COMMD10: variants seen among roughly 807,000 people sequenced by gnomAD.
COMMD10 encodes COMM domain containing 10, also known as COMM domain-containing protein 10.
A neutral mutation model predicts 28.9 loss-of-function variants in COMMD10; 33 were observed. The observed-to-expected ratio is 1.14, with a 90% CI of 0.87 to 1.53. The LOEUF is 1.53. COMMD10 is among the 40% of genes most tolerant of loss of function. The probability of loss-of-function intolerance (pLI) is 0.00; values close to 1 mark genes in which losing one functional copy is unlikely to be tolerated. For synonymous variants in COMMD10, 110 were observed against 81.7 expected (o/e 1.35, Z -1.87); for missense variants, 310 against 233.4 (o/e 1.33, Z -2.14).
chr5:116,267,618 C>T (rs1198269556), intron 5 of COMMD10, among the ~76,000 whole-genome samples: 1 of 151,692 alleles, frequency 6.6e-6, no homozygotes, highest in Non-Finnish European at 1.5e-5. Context: ...CATATGGAAC[C>T]AAAAAAGAGC....
At chr5:116,292,091 C>T (rs983160558) in intron 6 of COMMD10, among the ~76,000 whole-genome samples, 1 of 151,590 alleles carries the variant, frequency 6.6e-6, no homozygotes, top group Non-Finnish European at 1.5e-5. Flanking sequence ...CTGTTCAGCC[C>T]ACCACCACTG....
rs1322554321 is a variant in COMMD10 at position 116,221,677 on chromosome 5, G to T, written c.511-69840G>T. 2.6e-5 allele frequency among the ~76,000 whole-genome samples: 4 copies of T among 152,230 alleles called. No homozygotes were observed. In the East Asian group the frequency reaches 7.7e-4, roughly 29 times the overall value. On this transcript the variant is annotated intron_variant, in intron 5 of 6. Transcript: ENST00000274458. ...AGATACCTGCATCTCCTCACTGTGG[G>T]CTATGCACAGATGAAATGTAGCATT...
chr5:116,240,086 T>C (rs1470162282), intron 5 of COMMD10, among the ~76,000 whole-genome samples: 2 of 152,044 alleles, frequency 1.3e-5, no homozygotes, highest in African/African-American at 2.4e-5. Flanking sequence ...AGGCAGAAAA[T>C]AGTAGATCAC....
intron 5 of COMMD10, among the ~76,000 whole-genome samples, chr5:116,200,229 A>AT (rs1230271664): frequency 1.3e-5 from 2 of 151,912 alleles, no homozygotes; most frequent in South Asian, 2.1e-4. Flanking sequence ...TACTATATAT[A>AT]CTTTTTTGTA....
At chr5:116,289,242 A>G (rs1357309625) in intron 5 of COMMD10, among the ~76,000 whole-genome samples, 1 of 151,748 alleles carries the variant, frequency 6.6e-6, no homozygotes, top group Non-Finnish European at 1.5e-5. Context: ...CAGGTAGCTG[A>G]TAGACCTTTG....
chr5:116,152,387 C>G (rs929926006), intron 5 of COMMD10, among the ~76,000 whole-genome samples: 1 of 152,022 alleles, frequency 6.6e-6, no homozygotes, highest in East Asian at 1.9e-4. Flanking sequence ...AGAGTATGAG[C>G]TGTGAAAGAA....
At chr5:116,207,223 A>C (rs975362548) in intron 5 of COMMD10, among the ~76,000 whole-genome samples, 3 of 152,214 alleles carry the variant, frequency 2.0e-5, no homozygotes, top group Non-Finnish European at 4.4e-5. Flanking sequence ...GCATATAGGC[A>C]TTTAATTTTT....
intron 4 of COMMD10, among the ~76,000 whole-genome samples, chr5:116,106,545 T>G (rs1750845063): frequency 6.6e-6 from 1 of 152,108 alleles, no homozygotes; most frequent in Non-Finnish European, 1.5e-5. Flanking sequence ...TCCTTGTTGA[T>G]TTTCTGTCTT....
At chr5:116,227,029 A>T (rs1749409903) in intron 5 of COMMD10, among the ~76,000 whole-genome samples, 1 of 152,030 alleles carries the variant, frequency 6.6e-6, no homozygotes, top group South Asian at 2.1e-4. Context: ...TATACTGTTT[A>T]TCTGATTCAC....
chr5:116,134,659 C>T (rs1385690206), intron 5 of COMMD10, among the ~76,000 whole-genome samples: 3 of 152,156 alleles, frequency 2.0e-5, no homozygotes, highest in Non-Finnish European at 4.4e-5. Flanking sequence ...GTCTTGCTGT[C>T]GCCCAGGTTG....
intron 4 of COMMD10, among the ~76,000 whole-genome samples, chr5:116,123,108 G>A (rs985580510): frequency 2.6e-5 from 4 of 151,318 alleles, no homozygotes; most frequent in Non-Finnish European, 5.9e-5. Flanking sequence ...GATATTGGCT[G>A]TGGGTTTGTC....
chr5:116,126,390 C>T (rs1751639216), intron 4 of COMMD10, among the ~76,000 whole-genome samples: 1 of 148,940 alleles, frequency 6.7e-6, no homozygotes, highest in African/African-American at 2.6e-5. Flanking sequence ...CATCAAACTA[C>T]CAATGACTTT....
intron 4 of COMMD10, among the ~76,000 whole-genome samples, chr5:116,132,798 C>G (rs1751900967): frequency 6.6e-6 from 1 of 152,038 alleles, no homozygotes; most frequent in Non-Finnish European, 1.5e-5. Flanking sequence ...TGTTAAAGAT[C>G]AGTATGTAAA....
intron 5 of COMMD10, among the ~76,000 whole-genome samples, chr5:116,149,162 A>G (rs555721139): frequency 2.1e-5 from 3 of 141,884 alleles, no homozygotes; most frequent in Non-Finnish European, 3.0e-5. Flanking sequence ...AATTTCATCC[A>G]TGTCCCTACA....
chr5:116,268,553 A>G (rs1303793784), intron 5 of COMMD10, among the ~76,000 whole-genome samples: 4 of 151,938 alleles, frequency 2.6e-5, no homozygotes, highest in African/African-American at 4.9e-5. Context: ...CGATTCCTCA[A>G]GGATCTAGAA....
chr5:116,143,452 T>C (rs572615431), intron 5 of COMMD10, among the ~76,000 whole-genome samples: 27 of 151,946 alleles, frequency 1.8e-4, no homozygotes, highest in South Asian at 4.1e-4. Context: ...AATTAAAATA[T>C]TGTTTTACTA....
At chr5:116,239,026 A>T (rs1749748035) in intron 5 of COMMD10, among the ~76,000 whole-genome samples, 2 of 151,786 alleles carry the variant, frequency 1.3e-5, no homozygotes, top group Non-Finnish European at 2.9e-5. Context: ...ATTTTTTTTT[A>T]AAGTGTATGT....
At chr5:116,170,023 C>G (rs1263187343) in intron 5 of COMMD10, among the ~76,000 whole-genome samples, 3 of 152,002 alleles carry the variant, frequency 2.0e-5, no homozygotes, top group Admixed American at 6.6e-5. Context: ...AAAGGGTATT[C>G]AAATAGGAAG....
intron 4 of COMMD10, among the ~76,000 whole-genome samples, chr5:116,104,862 G>A (rs372760360): frequency 1.2e-4 from 19 of 152,238 alleles, no homozygotes; most frequent in South Asian, 4.1e-4. Context: ...CTCGTGATCC[G>A]TCCGCCTTGG....
Sources: gnomAD v4.1 joint callset for allele counts (sites outside exome capture counted in the v4.1 genomes callset) on GRCh38, gnomAD v4.1.1 for gene constraint, MANE v1.5 for transcripts, NCBI Gene and HGNC (gene_info 2026-07-23, HGNC 2026-07-21) for gene names.